NDUFV3: variants seen among roughly 807,000 people sequenced by gnomAD.
NDUFV3 encodes the protein NADH:ubiquinone oxidoreductase subunit V3.
Under a neutral mutation model 37.5 loss-of-function variants are expected in NDUFV3, and 44 were observed. The observed-to-expected ratio is 1.17, with a 90% CI of 0.92 to 1.51. The LOEUF (loss-of-function observed/expected upper bound fraction) is 1.51, where lower values mean the gene tolerates loss of function less well. Among genes scored for constraint, NDUFV3 ranks in the 40% most tolerant of loss-of-function variants. The probability of loss-of-function intolerance (pLI) is 0.00; values close to 1 mark genes in which losing one functional copy is unlikely to be tolerated. For synonymous variants in NDUFV3, 235 were observed against 239.3 expected, an observed-to-expected ratio of 0.98 and a Z score of 0.17; for missense variants, 580 against 580.4, an observed-to-expected ratio of 1.00 and a Z score of 0.01.
intron 2 of NDUFV3, among the ~76,000 whole-genome samples, chr21:42,902,162 C>T (rs369357966): frequency 4.0e-5 from 6 of 151,740 alleles, no homozygotes; most frequent in African/African-American, 1.5e-4. Flanking sequence ...GACTGGAGAT[C>T]GTGCCATTGC....
intron 2 of NDUFV3, among the ~76,000 whole-genome samples, chr21:42,899,277 G>GTATTTTTTGTTTT (rs367688123): frequency 7.1e-6 from 1 of 141,132 alleles, no homozygotes; most frequent in African/African-American, 2.7e-5. Flanking sequence ...GTTGTATCTT[G>GTATTTTTTGTTTT]TTTTTTTTTG....
chr21:42,901,462 G>A lies in NDUFV3; in HGVS notation c.170-1720G>A, dbSNP rs1030392199. On this transcript the variant is annotated intron_variant, in intron 2 of 3. Transcript: ENST00000354250. The stretch of plus-strand genomic sequence containing the variant: ...CATCTCAAAAAAAAATTACCCAGGC[G>A]TGGTGGCACACAACTGTAGTACCAG... 9.9e-5 allele frequency among the ~76,000 whole-genome samples: 15 copies of A among 151,574 alleles called. 1 individual carries two copies. The highest frequency in any genetic ancestry group is 6.3e-4 in the South Asian group (3 of 4,786).
In NDUFV3 at chr21:42,912,849, C is replaced by T. The variant is rs1215452980; in HGVS notation, c.*3828C>T. 2 of 145,642 alleles carry T rather than the reference C, an allele frequency of 1.4e-5. No homozygotes were observed. The highest frequency in any genetic ancestry group is 5.1e-5 in the African/African-American group (2 of 39,038). 9.0% of individuals were successfully genotyped at this position (145,642 alleles called of 1,614,324 possible). The stretch of plus-strand genomic sequence containing the variant: ...GGAGCTTGCAGTGAACCGAGATAGC[C>T]TCACTGCACTCCAGCCTGGGCGAAA... On this transcript the variant is annotated 3_prime_UTR_variant, in exon 4 of 4. Coordinates refer to ENST00000354250, the MANE Select transcript of NDUFV3 (RefSeq NM_021075.4).
intron 3 of NDUFV3, among the ~76,000 whole-genome samples, chr21:42,907,524 C>T (rs1423571519): frequency 1.3e-5 from 2 of 148,608 alleles, no homozygotes; most frequent in Non-Finnish European, 3.0e-5. Flanking sequence ...AGTCTCAGGT[C>T]ATTGCAATCT....
intron 2 of NDUFV3, 97 bp from the exon 3 acceptor site, chr21:42,903,085 C>G: frequency 6.8e-7 from 1 of 1,477,728 alleles, no homozygotes; most frequent in Non-Finnish European, 9.3e-7. Flanking sequence ...ATTGAAGATA[C>G]TGTCAGTAAT....
rs1419887227 is a variant in NDUFV3, at chr21:42,904,011, T to C, written c.999T>C (p.His333=). ...GTCCTCCTGGGGCGGCAGAGGGGCA[T>C]CTGGAAAAACCCGTGCCAGAGCCCC... is the stretch of plus-strand genomic sequence containing the variant. ...QASPPGAAEG[H]LEKPVPEPQR... Residue 333 remains histidine (H), a synonymous_variant, in exon 3 of 4, where the codon CAT becomes CAC. Transcript: ENST00000354250. The C allele has an allele frequency of 1.2e-6, 2 of 1,613,926 alleles. No individual in the cohort carries two copies. Among genetic ancestry groups the C allele is most frequent in the African/African-American group, 2.7e-5 (2 of 74,904 alleles).
At chr21:42,893,872 C>T (rs970792353) in intron 1 of NDUFV3, among the ~76,000 whole-genome samples, 21 of 152,314 alleles carry the variant, frequency 1.4e-4, no homozygotes, top group African/African-American at 4.3e-4. Context: ...CATGACCTGA[C>T]CTGTGAAAAG....
chr21:42,904,796 C>CTT (rs58460040), intron 3 of NDUFV3, among the ~76,000 whole-genome samples: 41 of 141,912 alleles, frequency 2.9e-4, no homozygotes, highest in African/African-American at 1.0e-3. Flanking sequence ...TAACCTTCAT[C>CTT]TTTTTTTTTT....
At chr21:42,894,856 C>T (rs1195088891) in intron 1 of NDUFV3, among the ~76,000 whole-genome samples, 1 of 151,914 alleles carries the variant, frequency 6.6e-6, no homozygotes, top group East Asian at 1.9e-4. Context: ...CATACAGGCA[C>T]CTCTGTTCTG....
Position 42,897,023 on chromosome 21 carries a change from T to C in NDUFV3, c.145T>C (p.Ser49Pro). 5 of 1,614,050 alleles carry C rather than the reference T, an allele frequency of 3.1e-6. No homozygotes were observed. Among genetic ancestry groups the C allele is most frequent in the Non-Finnish European group, 4.2e-6 (5 of 1,180,002 alleles). Residue 49 changes from serine (S) to proline (P), a missense_variant, in exon 2 of 4, where the codon TCC becomes CCC. Transcript: ENST00000354250. ...GAGTGAAAAGGGTCAGCCACAGAATTCCAAGAAGCAAAGTCCACCAAAAAG... is the reference window on the plus strand; with the variant it reads ...GAGTGAAAAGGGTCAGCCACAGAATCCCAAGAAGCAAAGTCCACCAAAAAG... ...GKSEKGQPQN[S>P]KKQSPPKNVV...
chr21:42,894,236 ACT>A (rs1175307530), intron 1 of NDUFV3, among the ~76,000 whole-genome samples: 1 of 135,194 alleles, frequency 7.4e-6, no homozygotes, highest in Non-Finnish European at 1.5e-5. Flanking sequence ...AGACCACTTC[ACT>A]CTCTTACAAA....
At chr21:42,894,399 T>TA (rs1444993467) in intron 1 of NDUFV3, among the ~76,000 whole-genome samples, 3 of 38,516 alleles carry the variant, frequency 7.8e-5, no homozygotes, top group South Asian at 4.9e-4. Flanking sequence ...ATATATTATA[T>TA]ATTTATATAA....
chr21:42,898,394 C>T (rs2058703826), intron 2 of NDUFV3, among the ~76,000 whole-genome samples: 3 of 152,078 alleles, frequency 2.0e-5, no homozygotes, highest in African/African-American at 7.2e-5. Context: ...GCAATCCTCC[C>T]ACCTCAGCCT....
At chr21:42,902,360 T>C (rs969642046) in intron 2 of NDUFV3, among the ~76,000 whole-genome samples, 2 of 152,246 alleles carry the variant, frequency 1.3e-5, no homozygotes, top group African/African-American at 2.4e-5. Context: ...TGTTTCTGAA[T>C]GTGCCTTGTT....
chr21:42,897,536 G>A (rs943487530), intron 2 of NDUFV3, among the ~76,000 whole-genome samples: 9 of 152,186 alleles, frequency 5.9e-5, no homozygotes, highest in African/African-American at 2.2e-4. Context: ...ACCACGTCTG[G>A]CTAATTTTTT....
At chr21:42,894,435 ATT>A (rs1331183329) in intron 1 of NDUFV3, among the ~76,000 whole-genome samples, 1 of 57,538 alleles carries the variant, frequency 1.7e-5, no homozygotes, top group East Asian at 3.0e-4. Context: ...ATAAATATAT[ATT>A]ATATAATATA....
chr21:42,901,406 C>T lies in NDUFV3; in HGVS notation c.170-1776C>T, dbSNP rs1194384312. On this transcript the variant is annotated intron_variant, in intron 2 of 3. Transcript: ENST00000354250. Reference sequence around the variant, plus strand: ...GCAGTGAGCCAAGATCACGCCATTGCACTCTAGCCTGACCCAAAAGAGTGA... The same window carrying T: ...GCAGTGAGCCAAGATCACGCCATTGTACTCTAGCCTGACCCAAAAGAGTGA... Among the ~76,000 whole-genome samples the T allele has an allele frequency of 3.3e-5, 5 of 151,302 alleles. No homozygotes were observed. The East Asian group carries it at 9.7e-4, about 29-fold the overall frequency.
chr21:42,905,873 T>A (rs910043143), intron 3 of NDUFV3, among the ~76,000 whole-genome samples: 2 of 150,932 alleles, frequency 1.3e-5, no homozygotes, highest in Non-Finnish European at 3.0e-5. Flanking sequence ...ATTTTTTTTT[T>A]TTTTTTTGGA....
intron 2 of NDUFV3, among the ~76,000 whole-genome samples, chr21:42,901,007 C>CTG (rs1380381251): frequency 1.3e-5 from 2 of 152,132 alleles, no homozygotes; most frequent in Non-Finnish European, 2.9e-5. Flanking sequence ...TGAGTAATTT[C>CTG]TGTGTAGCTT....
Sources: gnomAD v4.1 joint callset for allele counts (sites outside exome capture counted in the v4.1 genomes callset) on GRCh38, gnomAD v4.1.1 for gene constraint, MANE v1.5 for transcripts, NCBI Gene and HGNC (gene_info 2026-07-23, HGNC 2026-07-21) for gene names.